Variants in CWH43 observed in about 807,000 individuals in gnomAD.
CWH43 encodes the protein cell wall biogenesis 43 C-terminal homolog.
In CWH43, 91 loss-of-function variants were observed where a neutral mutation model predicts 85.7. That is an observed-to-expected ratio of 1.06 (90% confidence interval 0.90 to 1.26). The LOEUF is 1.26. Among genes scored for constraint, CWH43 ranks in the 50% most tolerant of loss-of-function variants. The pLI is 0.00. For missense variants in CWH43, 869 were observed against 839.2 expected (o/e 1.04, Z -0.44); for synonymous variants, 323 against 293.6 (o/e 1.10, Z -1.02).
At chr4:49,043,532 T>C (rs1784532190) in intron 13 of CWH43, among the ~76,000 whole-genome samples, 1 of 152,226 alleles carries the variant, frequency 6.6e-6, no homozygotes, top group Non-Finnish European at 1.5e-5. Flanking sequence ...CTTATATTGC[T>C]TTCTCTAGGA....
intron 14 of CWH43, among the ~76,000 whole-genome samples, chr4:49,050,395 A>G (rs1323999408): frequency 1.3e-5 from 2 of 152,232 alleles, no homozygotes; most frequent in African/African-American, 4.8e-5. Context: ...AACTCAAAAC[A>G]TGATTGTGTG....
chr4:49,017,140 C>A, intron 8 of CWH43, 109 bp from the exon 9 acceptor site: 1 of 913,362 alleles, frequency 1.1e-6, no homozygotes, highest in South Asian at 1.4e-5. Context: ...AGAAGAACTT[C>A]CTGGAGGGTG....
At chr4:49,056,399 A>T (rs1159489796) in intron 15 of CWH43, among the ~76,000 whole-genome samples, 3 of 152,088 alleles carry the variant, frequency 2.0e-5, no homozygotes, top group African/African-American at 7.2e-5. Flanking sequence ...CAGTCTTGGT[A>T]GATTGTTACT....
chr4:49,035,192 T>C (rs1376578611), intron 12 of CWH43, among the ~76,000 whole-genome samples: 1 of 152,226 alleles, frequency 6.6e-6, no homozygotes, highest in Non-Finnish European at 1.5e-5. Flanking sequence ...TGAATAAATA[T>C]TTAGAGATTT....
rs1782560418 is a variant in CWH43 at position 48,988,501 on chromosome 4, A to C, written c.68A>C (p.His23Pro). 1 of 1,595,810 alleles carries C rather than the reference A, an allele frequency of 6.3e-7. No homozygotes were observed. The highest frequency in any genetic ancestry group is 8.5e-7 in the Non-Finnish European group (1 of 1,174,518). Reference protein sequence around the residue: ...LLGCVSWSLYHDLGPMIYYFP... With the variant: ...LLGCVSWSLYPDLGPMIYYFP... The stretch of plus-strand genomic sequence containing the variant: ...GGATGTGTTTCTTGGTCTCTCTACC[A>C]TGACCTGGGACCGATGATCTATTAC... Residue 23 changes from histidine (H) to proline (P), a missense_variant, in exon 2 of 16, where the codon CAT becomes CCT. By Grantham distance (77) the His-to-Pro change is moderately conservative. Coordinates refer to ENST00000226432, the MANE Select transcript of CWH43 (RefSeq NM_025087.3).
In CWH43 at chr4:48,998,537, G is replaced by A; in HGVS notation, c.791G>A (p.Trp264Ter). 1 of 1,613,430 alleles carries A rather than the reference G, an allele frequency of 6.2e-7. No individual in the cohort carries two copies. The highest frequency in any genetic ancestry group is 8.5e-7 in the Non-Finnish European group (1 of 1,179,390). Reference sequence around the variant, plus strand: ...TGGTTTCGTGGTACTGGTTTGATCTGGTGGGTTACAGGTATGTGGAATTTA... The same window carrying A: ...TGGTTTCGTGGTACTGGTTTGATCTAGTGGGTTACAGGTATGTGGAATTTA... ...CLWFRGTGLI[W>*]WVTGTASAAG... Residue 264 changes from tryptophan to a stop codon, truncating the protein, a stop_gained, in exon 6 of 16, where the codon TGG becomes TAG. Transcript: ENST00000226432. LOFTEE classifies it high-confidence loss of function.
intron 12 of CWH43, among the ~76,000 whole-genome samples, chr4:49,037,652 T>A (rs182662792): frequency 3.5e-4 from 53 of 152,340 alleles, no homozygotes; most frequent in Admixed American, 1.9e-3. Context: ...TTCTTCATCT[T>A]ACCAGTATTC....
intron 4 of CWH43, among the ~76,000 whole-genome samples, chr4:48,993,208 G>A (rs1782710540): frequency 6.6e-6 from 1 of 152,164 alleles, no homozygotes; most frequent in Admixed American, 6.5e-5. Context: ...AGCATACCAA[G>A]TATTTTTTGT....
At chr4:49,044,925 CT>C in intron 14 of CWH43, 78 bp downstream of exon 14, 1 of 1,147,890 alleles carries the variant, frequency 8.7e-7, no homozygotes, top group Non-Finnish European at 1.3e-6. Flanking sequence ...GGAAAAAGAA[CT>C]TTATGGAAGC....
chr4:48,997,195 C>T (rs768724750), intron 5 of CWH43, among the ~76,000 whole-genome samples: 1 of 151,780 alleles, frequency 6.6e-6, no homozygotes, highest in Non-Finnish European at 1.5e-5. Context: ...GGACTACAGG[C>T]ACCTGACACT....
rs144888287 is a variant in CWH43, at chr4:49,002,414, A to G, written c.803-1321A>G. ...ATTTACACTAGTAAATGTTCCTGAT[A>G]TAATGTTTCATAAATAGCAGCATAT... is the stretch of plus-strand genomic sequence containing the variant. On this transcript the variant is annotated intron_variant, in intron 6 of 15. Coordinates refer to ENST00000226432, the MANE Select transcript of CWH43 (RefSeq NM_025087.3). 5.6e-3 allele frequency among the ~76,000 whole-genome samples: 850 copies of G among 152,314 alleles called. 2 individuals carry two copies. The highest frequency in any genetic ancestry group is 0.014 in the Middle Eastern group (4 of 294).
intron 14 of CWH43, among the ~76,000 whole-genome samples, chr4:49,045,052 G>A (rs1312443689): frequency 6.6e-6 from 1 of 152,130 alleles, no homozygotes; most frequent in African/African-American, 2.4e-5. Flanking sequence ...AGTAGAAATA[G>A]CTAAGCAAAT....
chr4:49,030,175 C>T (rs757459569), intron 10 of CWH43, among the ~76,000 whole-genome samples: 2 of 152,172 alleles, frequency 1.3e-5, no homozygotes, highest in African/African-American at 2.4e-5. Context: ...TTCAGTGCTC[C>T]GGGGTGCTCA....
At chr4:49,053,043 C>T (rs1479303523) in intron 15 of CWH43, among the ~76,000 whole-genome samples, 1 of 152,018 alleles carries the variant, frequency 6.6e-6, no homozygotes, top group African/African-American at 2.4e-5. Context: ...AAGTATTTAC[C>T]TTTCTGTGCC....
chr4:49,054,384 G>C (rs75741990), intron 15 of CWH43, among the ~76,000 whole-genome samples: 1 of 152,134 alleles, frequency 6.6e-6, no homozygotes, highest in East Asian at 1.9e-4. Flanking sequence ...TTTTATGCCA[G>C]TACCATACTG....
At chr4:49,051,505 G>A (rs2768957) in intron 15 of CWH43, among the ~76,000 whole-genome samples, 88,615 of 152,128 alleles carry the variant, frequency 0.58, 28,967 homozygotes, top group Admixed American at 0.75. Flanking sequence ...TTATTCTAAT[G>A]TGCAGTTAGG....
chr4:48,992,036 A>G lies in CWH43; in HGVS notation c.457A>G (p.Asn153Asp). ...LNPIWSYQMS[N>D]KVILTLSAIA... The stretch of plus-strand genomic sequence containing the variant: ...CCCAATCTGGAGTTATCAGATGTCC[A>G]ACAAAGTGATACTGACATTAAGTGC... The change falls in exon 4 of 16, where the codon AAC becomes GAC. Residue 153 changes from asparagine to aspartate, a missense_variant. Asn to Asp is a conservative substitution (Grantham distance 23, BLOSUM62 1). Transcript: ENST00000226432. The surrounding 1 kb of genome is among the most constrained non-coding windows in gnomAD (Gnocchi z 4.3). The G allele has an allele frequency of 1.2e-6, 2 of 1,614,048 alleles. No homozygotes were observed. Among genetic ancestry groups the G allele is most frequent in the Non-Finnish European group, 1.7e-6 (2 of 1,179,902 alleles).
At chr4:49,031,178 A>G (rs1351606983) in intron 11 of CWH43, 3 of 449,454 alleles carry the variant, frequency 6.7e-6, no homozygotes, top group African/African-American at 6.2e-5. Context: ...TAAACCAATC[A>G]ATCTAGGAGC....
At chr4:49,039,339 G>GTATA (rs1254543835) in intron 13 of CWH43, among the ~76,000 whole-genome samples, 1 of 5,532 alleles carries the variant, frequency 1.8e-4, no homozygotes, top group African/African-American at 3.9e-4. Flanking sequence ...ATATACTGAT[G>GTATA]TATATATATA....
Sources: allele counts gnomAD v4.1 joint callset (sites outside exome capture counted in the v4.1 genomes callset), GRCh38; gene constraint gnomAD v4.1.1; non-coding constraint Gnocchi (gnomAD v3.1); transcripts MANE v1.5; gene names NCBI Gene and HGNC (gene_info 2026-07-23, HGNC 2026-07-21).